CYP7B1: variants seen among roughly 807,000 people sequenced by gnomAD.
CYP7B1 encodes cytochrome P450 family 7 subfamily B member 1.
Under a neutral mutation model 42.7 loss-of-function variants are expected in CYP7B1, and 29 were observed. The ratio of observed to expected loss-of-function variants is 0.68; its 90% CI spans 0.51 to 0.93. The LOEUF (loss-of-function observed/expected upper bound fraction) is 0.93. Among genes scored for constraint, CYP7B1 ranks in the 40% least tolerant of loss-of-function variants. The pLI is 0.00. For missense variants in CYP7B1, 655 were observed against 600.5 expected, an observed-to-expected ratio of 1.09 and a Z score of -0.95; for synonymous variants, 235 against 218.2, an observed-to-expected ratio of 1.08 and a Z score of -0.68.
chr8:64,676,718 A>T (rs1393543715), intron 1 of CYP7B1, among the ~76,000 whole-genome samples: 1 of 152,058 alleles, frequency 6.6e-6, no homozygotes, highest in East Asian at 1.9e-4. Context: ...TTGCAACTTG[A>T]TTTCTCTTAC....
chr8:64,765,406 A>G (rs1250399334), intron 1 of CYP7B1, among the ~76,000 whole-genome samples: 1 of 152,208 alleles, frequency 6.6e-6, no homozygotes, highest in Admixed American at 6.5e-5. Flanking sequence ...ATGAATTTGC[A>G]TAAGAACTGT....
At chr8:64,670,194 G>A (rs1806344019) in intron 1 of CYP7B1, among the ~76,000 whole-genome samples, 1 of 152,116 alleles carries the variant, frequency 6.6e-6, no homozygotes, top group African/African-American at 2.4e-5. Context: ...CATTTCATGT[G>A]CCTAGCCCTT....
In CYP7B1 at chr8:64,591,297, CAG is replaced by C. The variant is rs1285183130; in HGVS notation, c.*5343_*5344del. Among the ~76,000 whole-genome samples, 7 of 152,060 alleles carry C rather than the reference CAG, an allele frequency of 4.6e-5. No individual in the cohort carries two copies. ...TTCATTATAATTTAAAATAGTGCTA[CAG>C]AGAATGTCATCTTGGCTTGCTAACT... On this transcript the variant is annotated 3_prime_UTR_variant, in exon 6 of 6. Transcript: ENST00000310193.
At chr8:64,701,313 A>AT (rs933445918) in intron 1 of CYP7B1, among the ~76,000 whole-genome samples, 39 of 152,184 alleles carry the variant, frequency 2.6e-4, no homozygotes, top group African/African-American at 8.2e-4. Flanking sequence ...CCAGGATAAG[A>AT]TCATGCCCGT....
At chr8:64,680,208 C>T (rs112924344) in intron 1 of CYP7B1, among the ~76,000 whole-genome samples, 2 of 152,094 alleles carry the variant, frequency 1.3e-5, no homozygotes, top group African/African-American at 2.4e-5. Flanking sequence ...GTGACTTTCT[C>T]CTTTAAACTT....
At chr8:64,629,272 A>G (rs1410041183) in intron 1 of CYP7B1, among the ~76,000 whole-genome samples, 1 of 150,392 alleles carries the variant, frequency 6.6e-6, no homozygotes, top group Non-Finnish European at 1.5e-5. Context: ...ACAGCAATCT[A>G]TACTTATCAG....
intron 1 of CYP7B1, among the ~76,000 whole-genome samples, chr8:64,653,346 T>C (rs1806068788): frequency 6.6e-6 from 1 of 151,984 alleles, no homozygotes; most frequent in Non-Finnish European, 1.5e-5. Flanking sequence ...GAAATAAAAA[T>C]AACCATCAGA....
rs188056714 is a variant in CYP7B1, at chr8:64,748,089, G to A, written c.122+50377C>T. 1.6e-3 allele frequency among the ~76,000 whole-genome samples: 250 copies of A among 152,278 alleles called. 1 individual carries two copies. The highest frequency in any genetic ancestry group is 5.6e-3 in the African/African-American group (234 of 41,560). On this transcript the variant is annotated intron_variant, in intron 1 of 5. Transcript: ENST00000310193. ...TTTGAGCTTGCCAGCCATGGCCAGT[G>A]TTGAAGCAGTGATGATGTCTGATGA...
At chr8:64,735,350 A>G (rs1807471253) in intron 1 of CYP7B1, among the ~76,000 whole-genome samples, 1 of 152,188 alleles carries the variant, frequency 6.6e-6, no homozygotes, top group Non-Finnish European at 1.5e-5. Context: ...TGTAAGAAAA[A>G]TTTATATCTA....
intron 1 of CYP7B1, among the ~76,000 whole-genome samples, chr8:64,752,194 C>T (rs1203287133): frequency 6.6e-6 from 1 of 151,314 alleles, no homozygotes; most frequent in African/African-American, 2.4e-5. Context: ...AAAATCTTAA[C>T]AGTACTGTAT....
At chr8:64,697,781 T>C (rs993279418) in intron 1 of CYP7B1, among the ~76,000 whole-genome samples, 1 of 152,156 alleles carries the variant, frequency 6.6e-6, no homozygotes, top group African/African-American at 2.4e-5. Context: ...ATACATGAGA[T>C]CTCAACCACT....
At chr8:64,659,638 AT>A (rs1806171896) in intron 1 of CYP7B1, among the ~76,000 whole-genome samples, 1 of 152,170 alleles carries the variant, frequency 6.6e-6, no homozygotes, top group Non-Finnish European at 1.5e-5. Context: ...TATACTTGTA[AT>A]TTTTGATATA....
intron 1 of CYP7B1, among the ~76,000 whole-genome samples, chr8:64,771,688 C>A (rs555830866): frequency 1.3e-5 from 2 of 152,320 alleles, no homozygotes; most frequent in East Asian, 3.9e-4. Context: ...TTGCTTGTTT[C>A]CCAGCTTAAA....
In CYP7B1 at chr8:64,748,488, A is replaced by T. The variant is rs377151009; in HGVS notation, c.122+49978T>A. Among the ~76,000 whole-genome samples, 59 of 152,248 alleles carry T rather than the reference A, an allele frequency of 3.9e-4. 3 individuals carry two copies. In the South Asian group the frequency reaches 0.012, roughly 30 times the overall value. On this transcript the variant is annotated intron_variant, in intron 1 of 5. Coordinates refer to ENST00000310193, the MANE Select transcript of CYP7B1 (RefSeq NM_004820.5). ...GAATCTGCTGATCATTCATTCTGCT[A>T]TTCATTTACCTGCCCCTGTGCTGGG...
intron 1 of CYP7B1, among the ~76,000 whole-genome samples, chr8:64,749,899 C>T (rs1322483248): frequency 6.6e-6 from 1 of 152,194 alleles, no homozygotes; most frequent in Non-Finnish European, 1.5e-5. Flanking sequence ...AAATCCTCCA[C>T]TAACTACATA....
At chr8:64,669,433 T>TGGGGCA (rs1385634342) in intron 1 of CYP7B1, among the ~76,000 whole-genome samples, 1 of 152,020 alleles carries the variant, frequency 6.6e-6, no homozygotes, top group Non-Finnish European at 1.5e-5. Context: ...CAATAGAGCT[T>TGGGGCA]GGGGCAGGGG....
At chr8:64,767,871 C>T (rs1804133094) in intron 1 of CYP7B1, among the ~76,000 whole-genome samples, 1 of 152,170 alleles carries the variant, frequency 6.6e-6, no homozygotes, top group Non-Finnish European at 1.5e-5. Context: ...CTGGACCAGC[C>T]TGCTAGCCCA....
At chr8:64,616,327 A>G in intron 2 of CYP7B1, 46 bp from the exon 3 acceptor site, 1 of 1,221,386 alleles carries the variant, frequency 8.2e-7, no homozygotes, top group Non-Finnish European at 1.2e-6. Flanking sequence ...GTTTGTTAAT[A>G]AAACAGAAAT....
chr8:64,793,527 T>C (rs1336376241), intron 1 of CYP7B1, among the ~76,000 whole-genome samples: 1 of 152,140 alleles, frequency 6.6e-6, no homozygotes, highest in Non-Finnish European at 1.5e-5. Context: ...TCTATTATGA[T>C]ACACAGTGAT....
Sources: gnomAD v4.1 joint callset for allele counts (sites outside exome capture counted in the v4.1 genomes callset) on GRCh38, gnomAD v4.1.1 for gene constraint, MANE v1.5 for transcripts, NCBI Gene and HGNC (gene_info 2026-07-23, HGNC 2026-07-21) for gene names.